The following NPIPB2 variants were observed in gnomAD, a reference collection of about 807,000 sequenced individuals.
NPIPB2 encodes the protein nuclear pore complex-interacting protein family member B2.
In NPIPB2, 27 loss-of-function variants were observed where a neutral mutation model predicts 30.8. The observed-to-expected ratio is 0.88, with a 90% CI of 0.65 to 1.21. NPIPB2 has a LOEUF of 1.21. Among genes scored for constraint, NPIPB2 ranks in the 50% most tolerant of loss-of-function variants. The pLI, the probability that NPIPB2 is intolerant of heterozygous loss-of-function variation, is 0.00. For missense variants in NPIPB2, 440 were observed against 446.2 expected, an observed-to-expected ratio of 0.99 and a Z score of 0.13; for synonymous variants, 147 against 162.0, an observed-to-expected ratio of 0.91 and a Z score of 0.70.
At chr16:11,933,896 G>A (rs796258955) in exon 3 of NPIPB2, 11 of 1,556,740 alleles carry the variant, frequency 7.1e-6, no homozygotes, top group Non-Finnish European at 9.6e-6. Context: ...TCCATTTTCA[G>A]ACTGGAAGAT....
At chr16:11,973,123 G>A (rs796137561) in intron 1 of NPIPB2, among the ~76,000 whole-genome samples, 3 of 139,270 alleles carry the variant, frequency 2.2e-5, no homozygotes, top group African/African-American at 5.4e-5. Flanking sequence ...CCGAGATTGT[G>A]CCATTGCACT....
intron 1 of NPIPB2, among the ~76,000 whole-genome samples, chr16:11,973,597 T>C (rs2055248972): frequency 1.3e-5 from 2 of 152,148 alleles, no homozygotes; most frequent in Admixed American, 1.3e-4. Flanking sequence ...GACAGAGTTT[T>C]GTTCTTGTTG....
At chr16:11,954,374 A>G (rs1373179473) in intron 1 of NPIPB2, among the ~76,000 whole-genome samples, 1 of 151,882 alleles carries the variant, frequency 6.6e-6, no homozygotes, top group Non-Finnish European at 1.5e-5. Context: ...GCTACTGGGG[A>G]GGCTGAGGCA....
chr16:11,936,237 G>A (rs1473431021), intron 2 of NPIPB2, among the ~76,000 whole-genome samples: 2 of 151,326 alleles, frequency 1.3e-5, no homozygotes, highest in African/African-American at 2.4e-5. Flanking sequence ...CCAGGAGGTG[G>A]AGGTTGCAGT....
At chr16:11,941,092 C>G in intron 1 of NPIPB2, 2 of 1,376,044 alleles carry the variant, frequency 1.5e-6, no homozygotes, top group East Asian at 3.6e-5. Context: ...GATTACAGGC[C>G]TGAGCTGTGT....
intron 1 of NPIPB2, among the ~76,000 whole-genome samples, chr16:11,954,180 G>C (rs1596502130): frequency 6.6e-6 from 1 of 152,000 alleles, no homozygotes; most frequent in Admixed American, 6.6e-5. Flanking sequence ...ACGTGGAATT[G>C]CTTGGTTAAA....
chr16:11,967,692 A>C (rs1191062821), intron 1 of NPIPB2: 1 of 1,614,196 alleles, frequency 6.2e-7, no homozygotes, highest in East Asian at 2.2e-5. Flanking sequence ...CTGCATCAAG[A>C]GCAAACCGAA....
At chr16:11,961,888 C>A (rs1357286914) in intron 1 of NPIPB2, among the ~76,000 whole-genome samples, 1 of 151,484 alleles carries the variant, frequency 6.6e-6, no homozygotes, top group Non-Finnish European at 1.5e-5. Flanking sequence ...TAAACAGAGG[C>A]TCTATTTGGA....
upstream of NPIPB2, among the ~76,000 whole-genome samples, chr16:11,945,908 A>G (rs561781112): frequency 6.6e-6 from 1 of 151,956 alleles, no homozygotes; most frequent in South Asian, 2.1e-4. Context: ...TGTCTCTCTC[A>G]CATTCAAACA....
intron 2 of NPIPB2, among the ~76,000 whole-genome samples, chr16:11,936,980 C>T (rs1383308569): frequency 6.6e-6 from 1 of 151,846 alleles, no homozygotes; most frequent in Non-Finnish European, 1.5e-5. Flanking sequence ...CCCTAAAAAT[C>T]ATTTGCTGCC....
chr16:11,973,637 G>A (rs533248598), intron 1 of NPIPB2, among the ~76,000 whole-genome samples: 11 of 151,988 alleles, frequency 7.2e-5, no homozygotes, highest in African/African-American at 1.7e-4. Flanking sequence ...GTGCCATCTC[G>A]GCTCACTGCA....
chr16:11,974,594 A>G (rs1255268237), intron 1 of NPIPB2, among the ~76,000 whole-genome samples: 6 of 152,124 alleles, frequency 3.9e-5, no homozygotes, highest in Non-Finnish European at 2.9e-5. Context: ...GAGGAAAAAA[A>G]GAAAGTAGAG....
At chr16:11,976,189 A>T (rs1253617332) in intron 1 of NPIPB2, among the ~76,000 whole-genome samples, 1 of 151,018 alleles carries the variant, frequency 6.6e-6, no homozygotes, top group African/African-American at 2.5e-5. Context: ...TCGGCCTCCC[A>T]AAGTGTTGGG....
intron 2 of NPIPB2, among the ~76,000 whole-genome samples, chr16:11,935,032 T>G (rs2150911809): frequency 1.4e-5 from 2 of 139,354 alleles, no homozygotes; most frequent in Non-Finnish European, 3.1e-5. Context: ...TTGTAACATT[T>G]CACCCCCTGC....
At chr16:11,943,076 C>T (rs7200562), upstream of NPIPB2, among the ~76,000 whole-genome samples, 46,908 of 151,534 alleles carry the variant, frequency 0.31, 8,812 homozygotes, top group Non-Finnish European at 0.44. Context: ...AATCCCAGCA[C>T]TTTGGGAGGC....
At chr16:11,928,685 GTT>G in intron 7 of NPIPB2, 1 of 521,964 alleles carries the variant, frequency 1.9e-6, no homozygotes, top group Non-Finnish European at 2.3e-6. Context: ...CAAGAAGTCA[GTT>G]AGGCATGGCT....
Position 11,937,000 on chromosome 16 carries a change from G to A in NPIPB2, c.192+540C>T, listed in dbSNP as rs545564547. On this transcript the variant is annotated intron_variant, in intron 2 of 7. Coordinates refer to ENST00000399147, the Ensembl canonical transcript of NPIPB2. ...AAAATCATTTGCTGCCCCTCTAAAT[G>A]GCCTACATCTCCATCTATCTCCCTC... Among the ~76,000 whole-genome samples the A allele has an allele frequency of 2.4e-3, 361 of 151,848 alleles. 1 individual carries two copies. Among genetic ancestry groups the A allele is most frequent in the Non-Finnish European group, 4.0e-3 (274 of 67,932 alleles).
chr16:11,951,145 A>C (rs2055057444), intron 1 of NPIPB2, among the ~76,000 whole-genome samples: 1 of 152,166 alleles, frequency 6.6e-6, no homozygotes, highest in East Asian at 1.9e-4. Flanking sequence ...TTTTAAGAAA[A>C]TTCAGTTTCG....
chr16:11,938,510 C>T (rs11646963), intron 1 of NPIPB2, among the ~76,000 whole-genome samples: 2 of 150,874 alleles, frequency 1.3e-5, no homozygotes, highest in African/African-American at 4.9e-5. Flanking sequence ...TTTGTATTTT[C>T]TGTGGAGATG....
Sources: gnomAD v4.1 joint callset for allele counts (sites outside exome capture counted in the v4.1 genomes callset) on GRCh38, gnomAD v4.1.1 for gene constraint, MANE v1.5 for transcripts, NCBI Gene and HGNC (gene_info 2026-07-23, HGNC 2026-07-21) for gene names.